RANBP2: variants seen among roughly 807,000 people sequenced by gnomAD.
RANBP2 encodes the protein RAN binding protein 2, also known as E3 SUMO-protein ligase RanBP2.
RANBP2 carries 57 observed loss-of-function variants against 303.6 expected under a neutral mutation model. That is an observed-to-expected ratio of 0.19 (90% CI 0.15 to 0.23). The LOEUF is 0.23. RANBP2 is among the 10% of genes least tolerant of loss of function. The probability of loss-of-function intolerance (pLI) is 1.00; values close to 1 mark genes in which losing one functional copy is unlikely to be tolerated. For synonymous variants in RANBP2, 1,167 were observed against 1,301.5 expected, an observed-to-expected ratio of 0.90 and a Z score of 2.23; for missense variants, 3,138 against 3,780.8, an observed-to-expected ratio of 0.83 and a Z score of 4.46.
chr2:109,376,761 C>T, the RANBP2 span, among the ~76,000 whole-genome samples: 2 of 152,248 alleles, frequency 1.3e-5, no homozygotes, highest in African/African-American at 4.8e-5. Context: ...GGTAGACCCT[C>T]ATGCCCTCAC....
At chr2:108,960,206 G>T in the RANBP2 span, among the ~76,000 whole-genome samples, 1 of 152,158 alleles carries the variant, frequency 6.6e-6, no homozygotes, top group South Asian at 2.1e-4. Flanking sequence ...GTTCTCCCCG[G>T]GGCTGCAGTT....
At chr2:109,590,067 CACACACATAT>C in the RANBP2 span, among the ~76,000 whole-genome samples, 1 of 144,704 alleles carries the variant, frequency 6.9e-6, no homozygotes, top group East Asian at 2.0e-4. Flanking sequence ...TATATATATA[CACACACATAT>C]ATATGTATAT....
At chr2:109,419,649 T>C in the RANBP2 span, 2 of 1,565,910 alleles carry the variant, frequency 1.3e-6, no homozygotes, top group South Asian at 2.3e-5. Flanking sequence ...ACGTGTGAGC[T>C]GCCCTTTGTG....
the RANBP2 span, among the ~76,000 whole-genome samples, chr2:109,078,506 A>G: frequency 6.7e-6 from 1 of 149,000 alleles, no homozygotes; most frequent in Non-Finnish European, 1.5e-5. Context: ...GACAGGGGTG[A>G]GGTGAGGTGG....
the RANBP2 span, among the ~76,000 whole-genome samples, chr2:109,483,310 A>G: frequency 0.037 from 5,702 of 152,288 alleles, 326 homozygotes; most frequent in African/African-American, 0.12. Flanking sequence ...TTTCTTCTGA[A>G]TATCTAAAGT....
chr2:108,789,784 T>C (rs529343060), downstream of RANBP2, among the ~76,000 whole-genome samples: 1 of 152,238 alleles, frequency 6.6e-6, no homozygotes, highest in Admixed American at 6.5e-5. Context: ...GAAGTTGCCG[T>C]TCTGTAAGGA....
the RANBP2 span, among the ~76,000 whole-genome samples, chr2:109,201,665 G>A: frequency 6.6e-6 from 1 of 152,204 alleles, no homozygotes; most frequent in Non-Finnish European, 1.5e-5. Context: ...GCAAGTGTCT[G>A]CCCACTTCTC....
the RANBP2 span, among the ~76,000 whole-genome samples, chr2:109,436,553 A>G: frequency 6.6e-6 from 1 of 152,256 alleles, no homozygotes; most frequent in African/African-American, 2.4e-5. Context: ...TGACTGAGTC[A>G]TCTGTTCTTT....
At chr2:109,719,852 G>C in the RANBP2 span, among the ~76,000 whole-genome samples, 1 of 152,144 alleles carries the variant, frequency 6.6e-6, no homozygotes, top group Non-Finnish European at 1.5e-5. Flanking sequence ...GAATTTCCAG[G>C]CTTGGCCACA....
the RANBP2 span, chr2:109,543,931 A>G: frequency 1.1e-5 from 6 of 545,356 alleles, no homozygotes; most frequent in South Asian, 2.3e-5. Context: ...CACCTTATAC[A>G]TATAGCCTGA....
At chr2:108,907,701 A>G in the RANBP2 span, among the ~76,000 whole-genome samples, 140 of 151,894 alleles carry the variant, frequency 9.2e-4, 1 homozygote, top group African/African-American at 3.1e-3. Flanking sequence ...CCTTTTGACT[A>G]TCTTGCTGTG....
chr2:109,616,572 G>C, the RANBP2 span: 1 of 167,120 alleles, frequency 6.0e-6, no homozygotes, highest in South Asian at 2.1e-4. Flanking sequence ...AGGTACTACT[G>C]AAGGTCAGAT....
At chr2:108,760,167 C>T (rs1220705334) in intron 18 of RANBP2, among the ~76,000 whole-genome samples, 1 of 152,052 alleles carries the variant, frequency 6.6e-6, no homozygotes, top group Non-Finnish European at 1.5e-5. Flanking sequence ...TTAATGAGCT[C>T]ATAGGAGATA....
chr2:109,055,763 T>C, the RANBP2 span, among the ~76,000 whole-genome samples: 1 of 113,666 alleles, frequency 8.8e-6, no homozygotes, highest in East Asian at 7.0e-4. Flanking sequence ...TCTAACATTT[T>C]TTTTTTTTTT....
At chr2:109,272,181 C>T in the RANBP2 span, among the ~76,000 whole-genome samples, 2 of 152,214 alleles carry the variant, frequency 1.3e-5, no homozygotes, top group African/African-American at 4.8e-5. Context: ...TGGGTCAGAA[C>T]CCCCCACAGC....
At chr2:109,457,258 A>G in the RANBP2 span, among the ~76,000 whole-genome samples, 2 of 152,386 alleles carry the variant, frequency 1.3e-5, 1 homozygote, top group South Asian at 4.1e-4. Flanking sequence ...CTAGAATTAA[A>G]TGATCCATAC....
the RANBP2 span, among the ~76,000 whole-genome samples, chr2:109,108,783 G>C: frequency 6.6e-6 from 1 of 152,214 alleles, no homozygotes; most frequent in African/African-American, 2.4e-5. Flanking sequence ...CAAAGCCCCT[G>C]TGGCGCCCTC....
the RANBP2 span, among the ~76,000 whole-genome samples, chr2:109,719,057 C>A: frequency 2.8e-5 from 4 of 142,748 alleles, no homozygotes; most frequent in Admixed American, 1.4e-4. Flanking sequence ...AATTTAATTA[C>A]ATGCCTGAGT....
At chr2:109,223,005 T>G in the RANBP2 span, among the ~76,000 whole-genome samples, 1 of 152,148 alleles carries the variant, frequency 6.6e-6, no homozygotes, top group African/African-American at 2.4e-5. Context: ...CCCTTCAGGG[T>G]GAAGAGGGCA....
Sources: allele counts gnomAD v4.1 joint callset (sites outside exome capture counted in the v4.1 genomes callset), GRCh38; gene constraint gnomAD v4.1.1; transcripts MANE v1.5; gene names NCBI Gene and HGNC (gene_info 2026-07-23, HGNC 2026-07-21).